The following ODAD3 variants were observed in gnomAD, a reference collection of about 807,000 sequenced individuals.
The protein encoded by ODAD3 is outer dynein arm-docking complex subunit 3.
A neutral mutation model predicts 70.9 loss-of-function variants in ODAD3; 57 were observed. The observed-to-expected ratio is 0.80, with a 90% CI of 0.65 to 1.00. The LOEUF (loss-of-function observed/expected upper bound fraction) is 1.00, where lower values mean the gene tolerates loss of function less well. ODAD3 is among the 50% of genes least tolerant of loss of function. ODAD3 has a pLI of 0.00. For synonymous variants in ODAD3, 327 were observed against 315.9 expected, an observed-to-expected ratio of 1.04 and a Z score of -0.37; for missense variants, 797 against 763.9, an observed-to-expected ratio of 1.04 and a Z score of -0.51.
chr19:11,435,780 G>A (rs751415567), upstream of ODAD3: 1,420 of 1,401,298 alleles, frequency 1.0e-3, 1 homozygote, highest in Non-Finnish European at 1.2e-3. Context: ...ATGTGTGGGT[G>A]TGGACGGCGG....
At chr19:11,432,893 A>G (rs1178171166) in intron 1 of ODAD3, among the ~76,000 whole-genome samples, 2 of 151,776 alleles carry the variant, frequency 1.3e-5, no homozygotes, top group Admixed American at 6.6e-5. Context: ...TCCTGGGTTC[A>G]AGCCCCTCTC....
chr19:11,435,309 G>C (rs1163296420), upstream of ODAD3: 3 of 797,748 alleles, frequency 3.8e-6, no homozygotes, highest in Non-Finnish European at 5.5e-6. Flanking sequence ...GCAGGACGGA[G>C]GGTCTGGACA....
At chr19:11,425,601 ATG>A (rs1223624982) in intron 7 of ODAD3, among the ~76,000 whole-genome samples, 8,624 of 131,748 alleles carry the variant, frequency 0.065, 862 homozygotes, top group African/African-American at 0.17. Flanking sequence ...ATGTGTATAT[ATG>A]TGTGTGTATA....
chr19:11,425,096 T>C (rs1252840254), intron 7 of ODAD3, among the ~76,000 whole-genome samples: 6 of 133,696 alleles, frequency 4.5e-5, no homozygotes, highest in South Asian at 2.3e-4. Flanking sequence ...TACATATGTG[T>C]ATATATGTAT....
At chr19:11,435,137 G>C (rs1969642413), upstream of ODAD3, 1 of 1,456,758 alleles carries the variant, frequency 6.9e-7, no homozygotes, top group African/African-American at 1.4e-5. Context: ...CCGACCGCTA[G>C]GTGGTTGCGC....
chr19:11,434,329 A>C (rs1470046644), intron 1 of ODAD3: 1 of 153,244 alleles, frequency 6.5e-6, no homozygotes, highest in Non-Finnish European at 1.5e-5. Context: ...TTGGGAGGTC[A>C]AGAGATTGAG....
At position 11,430,738 on chromosome 19, in the gene ODAD3, C is replaced by G. The variant is rs1969484928; in HGVS notation, c.405G>C (p.Trp135Cys). Residue 135 changes from tryptophan to cysteine, a missense_variant, in exon 3 of 13, where the codon TGG becomes TGC. By Grantham distance (215) the Trp-to-Cys change is radical. Transcript: ENST00000356392. ...TCTTCAGGTATGGCTTCTCCCACTT[C>G]CATTCGCGAATCACTGCCTGGACCA... ...EKVVQAVIREWKWEKPYLKNR... is the reference protein window; with the variant it reads ...EKVVQAVIRECKWEKPYLKNR... 3 of 1,613,934 alleles carry G rather than the reference C, an allele frequency of 1.9e-6. No individual in the cohort carries two copies. Among genetic ancestry groups the G allele is most frequent in the Non-Finnish European group, 2.5e-6 (3 of 1,180,010 alleles).
intron 1 of ODAD3, among the ~76,000 whole-genome samples, chr19:11,433,736 G>A (rs1420386816): frequency 5.3e-5 from 8 of 152,112 alleles, no homozygotes; most frequent in Non-Finnish European, 2.9e-5. Context: ...AGACCAGCCT[G>A]GGCAGCATAG....
At chr19:11,430,826 G>C in intron 2 of ODAD3, 50 bp from the exon 3 acceptor site, 2 of 1,613,904 alleles carry the variant, frequency 1.2e-6, no homozygotes, top group Non-Finnish European at 1.7e-6. Flanking sequence ...CTCCAGCTAA[G>C]GCCAGGTGCT....
chr19:11,421,136 TTG>T lies in ODAD3; in HGVS notation c.1665_1666del (p.Asp555GlufsTer4). ...CCCCCACCCATACTGACCAAAAAAC[TTG>T]TCCTTGGAAGTGGCAAGGGGCAGGG... On this transcript the variant is annotated frameshift_variant, in exon 12 of 13. Coordinates refer to ENST00000356392, the MANE Select transcript of ODAD3 (RefSeq NM_145045.5). LOFTEE classifies it low-confidence loss of function (END_TRUNC). The T allele has an allele frequency of 1.2e-6, 2 of 1,611,264 alleles. No homozygotes were observed. The highest frequency in any genetic ancestry group is 8.5e-7 in the Non-Finnish European group (1 of 1,179,012).
At position 11,430,794 on chromosome 19, in the gene ODAD3, C is replaced by T. The variant is rs377309888; in HGVS notation, c.367-18G>A. Reference sequence around the variant, plus strand: ...TCATCTCCCTGCAAGGAGGGAAGTCCAGTCACCTTTCAGCATGCCACCTCC... The same window carrying T: ...TCATCTCCCTGCAAGGAGGGAAGTCTAGTCACCTTTCAGCATGCCACCTCC... On this transcript the variant is annotated intron_variant, in intron 2 of 12. Transcript: ENST00000356392. 2.2e-4 allele frequency: 347 copies of T among 1,613,932 alleles called. No homozygotes were observed. The highest frequency in any genetic ancestry group is 2.7e-4 in the Non-Finnish European group (317 of 1,179,986).
Position 11,422,346 on chromosome 19 carries a change from C to T in ODAD3, c.1434+125G>A. 8.1e-7 allele frequency: 1 copy of T among 1,228,002 alleles called. No homozygotes were observed. The highest frequency in any genetic ancestry group is 1.1e-6 in the Non-Finnish European group (1 of 910,878). The allele number at this position is 1,228,002 out of a possible 1,614,324, so 76.1% of individuals were successfully genotyped here. On this transcript the variant is annotated intron_variant, in intron 10 of 12. Transcript: ENST00000356392. This position sits in a 1 kb window ranked among gnomAD's most constrained non-coding sequence, Gnocchi z 4.6. ...CCCCTGTGGGCGGGGCCTCTGACGT[C>T]CGGGACAGAGGATGTGGCAGGCCAC...
chr19:11,434,997 C>T lies in ODAD3; in HGVS notation c.20G>A (p.Arg7Lys), dbSNP rs1166438483. Residue 7 changes from arginine (R) to lysine (K), a missense_variant, in exon 1 of 13, where the codon AGG (arginine) becomes AAG (lysine). Physicochemically the swap from Arg to Lys is conservative, Grantham distance 26. Transcript: ENST00000356392. MTSPLC[R>K]AASANALPPQ... is the part of the protein sequence containing the mutation. The stretch of plus-strand genomic sequence containing the variant: ...AGGCAGGGCGTTGGCGGAGGCCGCC[C>T]TGCACAGAGGAGATGTCATGATGGG... 6.2e-7 allele frequency: 1 copy of T among 1,612,204 alleles called. No individual in the cohort carries two copies. The highest frequency in any genetic ancestry group is 1.1e-5 in the South Asian group (1 of 91,072).
chr19:11,428,800 T>A (rs1969439804), intron 3 of ODAD3, among the ~76,000 whole-genome samples: 1 of 152,016 alleles, frequency 6.6e-6, no homozygotes, highest in African/African-American at 2.4e-5. Flanking sequence ...CCTCCAGCCT[T>A]GGCCTCCCAA....
chr19:11,433,785 A>G (rs1356262681), intron 1 of ODAD3, among the ~76,000 whole-genome samples: 2 of 151,974 alleles, frequency 1.3e-5, no homozygotes, highest in African/African-American at 4.8e-5. Flanking sequence ...AAATTAGCCA[A>G]GCACAGTGGT....
At position 11,422,728 on chromosome 19, in the gene ODAD3, T is replaced by C; in HGVS notation, c.1250A>G (p.Lys417Arg). The C allele has an allele frequency of 6.2e-7, 1 of 1,612,684 alleles. No homozygotes were observed. The highest frequency in any genetic ancestry group is 8.5e-7 in the Non-Finnish European group (1 of 1,179,862). The part of the protein sequence containing the change: ...QQLQRELEDL[K>R]YSGEATLVSQ... Reference sequence around the variant, plus strand: ...CACCAGCGTGGCCTCCCCCGAGTACTTGAGGTCTTCCAGCTCCCGCTGCAG... The same window carrying C: ...CACCAGCGTGGCCTCCCCCGAGTACCTGAGGTCTTCCAGCTCCCGCTGCAG... The change falls in exon 9 of 13, where the codon AAG (lysine) becomes AGG (arginine). Residue 417 changes from lysine to arginine, a missense_variant. Lys to Arg is a conservative substitution (Grantham distance 26). Transcript: ENST00000356392. The surrounding 1 kb of genome is among the most constrained non-coding windows in gnomAD (Gnocchi z 4.6).
chr19:11,421,074 G>C (rs1385825567), intron 12 of ODAD3, 54 bp downstream of exon 12: 23 of 1,595,398 alleles, frequency 1.4e-5, no homozygotes, highest in Non-Finnish European at 2.0e-5. Context: ...ACAACCTCCT[G>C]CTACCCAGCT....
intron 11 of ODAD3, among the ~76,000 whole-genome samples, 167 bp from the exon 12 acceptor site, chr19:11,421,379 A>T (rs1004896175): frequency 1.8e-4 from 27 of 149,826 alleles, no homozygotes; most frequent in Admixed American, 1.8e-3. Context: ...ACCCAGCTTC[A>T]CCCCCTCATC....
chr19:11,426,591 G>T lies in ODAD3; in HGVS notation c.715-20C>A. On this transcript the variant is annotated intron_variant, in intron 5 of 12. Transcript: ENST00000356392. ...CTCGTCCTGGGGCGTGGTGGGGAGG[G>T]GTAGCGGAGATGGTGCAGGTCTGTG... 6.2e-6 allele frequency: 10 copies of T among 1,613,956 alleles called. No homozygotes were observed. The highest frequency in any genetic ancestry group is 8.5e-6 in the Non-Finnish European group (10 of 1,179,930).
Sources: allele counts gnomAD v4.1 joint callset (sites outside exome capture counted in the v4.1 genomes callset), GRCh38; gene constraint gnomAD v4.1.1; non-coding constraint Gnocchi (gnomAD v3.1); transcripts MANE v1.5; gene names NCBI Gene and HGNC (gene_info 2026-07-23, HGNC 2026-07-21).